The following PRKN variants were observed in gnomAD, a reference collection of about 807,000 sequenced individuals.
The protein encoded by PRKN is parkin RBR E3 ubiquitin protein ligase, also known as E3 ubiquitin-protein ligase parkin.
In PRKN, 56 loss-of-function variants were observed where a neutral mutation model predicts 59.5. The ratio of observed to expected loss-of-function variants is 0.94; its 90% confidence interval spans 0.76 to 1.18. PRKN has a LOEUF of 1.18. PRKN is among the 50% of genes most tolerant of loss of function. The pLI, the probability that PRKN is intolerant of heterozygous loss-of-function variation, is 0.00. For synonymous variants in PRKN, 250 were observed against 222.1 expected (o/e 1.13, Z -1.12); for missense variants, 657 against 596.4 (o/e 1.10, Z -1.06).
intron 1 of PRKN, among the ~76,000 whole-genome samples, chr6:162,711,890 T>C (rs1778552922): frequency 6.6e-6 from 1 of 152,204 alleles, no homozygotes; most frequent in Non-Finnish European, 1.5e-5. Flanking sequence ...AGACTTGTCT[T>C]GCACCGTCTG....
Position 161,361,961 on chromosome 6 carries a change from A to AC in PRKN, c.1168-1757dup, listed in dbSNP as rs1241004170. ...CCTAACCGTCAGTGACACGTGGCAAACACCCATCCCCCCACCGACCTGCAC... is the reference window on the plus strand; with the variant it reads ...CCTAACCGTCAGTGACACGTGGCAAACCACCCATCCCCCCACCGACCTGCAC... On this transcript the variant is annotated intron_variant, in intron 10 of 11. Coordinates refer to ENST00000366898, the MANE Select transcript of PRKN (RefSeq NM_004562.3). The surrounding 1 kb of genome is among the most constrained non-coding windows in gnomAD (Gnocchi z 5.2). Among the ~76,000 whole-genome samples, 1 of 151,948 alleles carries AC rather than the reference A, an allele frequency of 6.6e-6. No individual in the cohort carries two copies. The highest frequency in any genetic ancestry group is 1.5e-5 in the Non-Finnish European group (1 of 67,984).
At chr6:161,367,316 G>A (rs1044684586) in intron 10 of PRKN, among the ~76,000 whole-genome samples, 5 of 152,090 alleles carry the variant, frequency 3.3e-5, no homozygotes, top group Middle Eastern at 3.4e-3. Flanking sequence ...GCTAGGGGAG[G>A]GTGTTTTAGC....
rs142739424 is a variant in PRKN at position 161,648,341 on chromosome 6, T to A, written c.872-78925A>T. On this transcript the variant is annotated intron_variant, in intron 7 of 11. Transcript: ENST00000366898. ...TAAGGGAGGTCTTACTGAGTATATA[T>A]CCCTTCTGCCCATTATCCCAGTATA... Among the ~76,000 whole-genome samples the A allele has an allele frequency of 5.9e-5, 9 of 152,290 alleles. No individual in the cohort carries two copies. The East Asian group carries it at 1.5e-3, about 26-fold the overall frequency.
rs561911726 is a variant in PRKN at position 161,417,374 on chromosome 6, T to C, written c.1084-30497A>G. ...CTAAGGCAGCAGAATCACTTGAACC[T>C]GGGAGGCGGAGGTTGCAGTGAGCAG... On this transcript the variant is annotated intron_variant, in intron 9 of 11. Transcript: ENST00000366898. The surrounding 1 kb of genome is among the most constrained non-coding windows in gnomAD (Gnocchi z 5.4). Among the ~76,000 whole-genome samples the C allele has an allele frequency of 2.0e-5, 3 of 147,146 alleles. No homozygotes were observed. The East Asian group carries it at 6.1e-4, about 30-fold the overall frequency.
chr6:162,105,837 A>G lies in PRKN; in HGVS notation c.535-51663T>C, dbSNP rs184033430. ...CAAATATGAAACAAACTAAAATATG[A>G]TAAGATTTTTAGTAACTGATATCTC... is the stretch of plus-strand genomic sequence containing the variant. On this transcript the variant is annotated intron_variant, in intron 4 of 11. Coordinates refer to ENST00000366898, the MANE Select transcript of PRKN (RefSeq NM_004562.3). Among the ~76,000 whole-genome samples, 13 of 152,364 alleles carry G rather than the reference A, an allele frequency of 8.5e-5. No homozygotes were observed. The East Asian group carries it at 2.3e-3, about 27-fold the overall frequency.
At chr6:162,361,271 C>G (rs940990585) in intron 2 of PRKN, among the ~76,000 whole-genome samples, 4 of 152,016 alleles carry the variant, frequency 2.6e-5, no homozygotes, top group African/African-American at 9.7e-5. Context: ...GTGTGTTTCT[C>G]AAAAAATTCA....
intron 2 of PRKN, among the ~76,000 whole-genome samples, chr6:162,381,031 C>T (rs541554303): frequency 1.1e-4 from 17 of 152,238 alleles, no homozygotes; most frequent in Admixed American, 2.6e-4. Flanking sequence ...GCAGGCGAAC[C>T]GTTCTTCCTC....
chr6:161,420,253 AAAAG>A (rs1018287076), intron 9 of PRKN, among the ~76,000 whole-genome samples: 1 of 152,000 alleles, frequency 6.6e-6, no homozygotes, highest in Non-Finnish European at 1.5e-5. Flanking sequence ...AAAAAAAAAA[AAAAG>A]AACTTGATAA....
intron 4 of PRKN, among the ~76,000 whole-genome samples, chr6:162,095,490 A>AT (rs983776302): frequency 6.6e-6 from 1 of 152,106 alleles, no homozygotes; most frequent in African/African-American, 2.4e-5. Context: ...GAGATTAATT[A>AT]TTTTATTTTT....
intron 2 of PRKN, among the ~76,000 whole-genome samples, chr6:162,272,040 G>T (rs1780413843): frequency 6.6e-6 from 1 of 152,074 alleles, no homozygotes; most frequent in South Asian, 2.1e-4. Flanking sequence ...TCACCTCCAT[G>T]TCCCTCCCAC....
intron 7 of PRKN, among the ~76,000 whole-genome samples, chr6:161,665,731 C>T (rs1306262888): frequency 1.3e-5 from 2 of 152,152 alleles, no homozygotes; most frequent in African/African-American, 4.8e-5. Context: ...TTTTTAAACT[C>T]AATAATGACA....
chr6:161,477,761 C>G (rs1791178711), intron 9 of PRKN, among the ~76,000 whole-genome samples: 1 of 152,102 alleles, frequency 6.6e-6, no homozygotes, highest in Non-Finnish European at 1.5e-5. Flanking sequence ...AATGCATAAG[C>G]ATTACAAATG....
At chr6:161,350,678 ATATATATTTT>A (rs1784501100) in intron 11 of PRKN, among the ~76,000 whole-genome samples, 1 of 63,602 alleles carries the variant, frequency 1.6e-5, no homozygotes, top group Admixed American at 3.1e-4. Context: ...TATTTAAAAT[ATATATATTTT>A]TATATATTTA....
rs71004079 is a variant in PRKN, at chr6:162,096,848, A to ATTTTTTTT, written c.535-42682_535-42675dup. Among the ~76,000 whole-genome samples, 41 of 49,208 alleles carry ATTTTTTTT rather than the reference A, an allele frequency of 8.3e-4. 6 individuals are homozygous for ATTTTTTTT. Among genetic ancestry groups the ATTTTTTTT allele is most frequent in the African/African-American group, 1.9e-3 (21 of 11,240 alleles). The allele number at this position is 49,208 out of a possible 152,430, so 32.3% of individuals were successfully genotyped here. A position where few individuals can be genotyped will look rare whatever the true frequency, so the allele number is the denominator to read the frequency against. ...GTGAGAATGGACTCATACAGCTGGA[A>ATTTTTTTT]TTTTTTTTTTTTTTTTTTTTTTTTT... On this transcript the variant is annotated intron_variant, in intron 4 of 11. Coordinates refer to ENST00000366898, the MANE Select transcript of PRKN (RefSeq NM_004562.3).
In PRKN at chr6:162,375,805, A is replaced by C. The variant is rs535700995; in HGVS notation, c.171+67505T>G. Among the ~76,000 whole-genome samples the C allele has an allele frequency of 2.0e-5, 3 of 152,032 alleles. No individual in the cohort carries two copies. In the South Asian group the frequency reaches 6.2e-4, roughly 32 times the overall value. On this transcript the variant is annotated intron_variant, in intron 2 of 11. Transcript: ENST00000366898. The stretch of plus-strand genomic sequence containing the variant: ...TCTCTCTCTCTAGATATATATACAT[A>C]TATATACATATTAACATATAACACA...
rs746402689 is a variant in PRKN, at chr6:161,575,012, G to A, written c.872-5596C>T. Among the ~76,000 whole-genome samples the A allele has an allele frequency of 6.6e-6, 1 of 151,960 alleles. No individual in the cohort carries two copies. Among genetic ancestry groups the A allele is most frequent in the Non-Finnish European group, 1.5e-5 (1 of 68,002 alleles). ...TTAAAAGAGAATGTCACCTCTTTCC[G>A]TGCCATCCTCATGCCGTGCTCACAA... On this transcript the variant is annotated intron_variant, in intron 7 of 11. Transcript: ENST00000366898. The surrounding 1 kb of genome is among the most constrained non-coding windows in gnomAD (Gnocchi z 4.6).
intron 6 of PRKN, among the ~76,000 whole-genome samples, chr6:161,880,752 T>C (rs1346974823): frequency 6.6e-6 from 1 of 152,152 alleles, no homozygotes; most frequent in Non-Finnish European, 1.5e-5. Flanking sequence ...CTTCCCCTGC[T>C]TTTCATTTCC....
At chr6:162,330,919 G>C (rs530674370) in intron 2 of PRKN, among the ~76,000 whole-genome samples, 1 of 152,330 alleles carries the variant, frequency 6.6e-6, no homozygotes, top group South Asian at 2.1e-4. Context: ...GGAGGCAGGT[G>C]AGTGACTGCA....
In PRKN at chr6:161,357,948, A is replaced by G. The variant is rs1784825554; in HGVS notation, c.1285+2140T>C. Among the ~76,000 whole-genome samples, 1 of 152,238 alleles carries G rather than the reference A, an allele frequency of 6.6e-6. No individual in the cohort carries two copies. Among genetic ancestry groups the G allele is most frequent in the Non-Finnish European group, 1.5e-5 (1 of 68,044 alleles). ...ACTGGTGCTCACACAGCCACAGTCC[A>G]TGGCAGAGTCCTAACTCCTGCAACA... On this transcript the variant is annotated intron_variant, in intron 11 of 11. Transcript: ENST00000366898. This position sits in a 1 kb window ranked among gnomAD's most constrained non-coding sequence, Gnocchi z 5.5.
Sources: allele counts gnomAD v4.1 joint callset (sites outside exome capture counted in the v4.1 genomes callset), GRCh38; gene constraint gnomAD v4.1.1; non-coding constraint Gnocchi (gnomAD v3.1); transcripts MANE v1.5; gene names NCBI Gene and HGNC (gene_info 2026-07-23, HGNC 2026-07-21).